Variants in GAS7 observed in about 807,000 individuals in gnomAD.
GAS7 encodes the protein growth arrest-specific protein 7.
Under a neutral mutation model 71.1 loss-of-function variants are expected in GAS7, and 28 were observed. The observed-to-expected ratio is 0.39, with a 90% CI of 0.29 to 0.54. The LOEUF is 0.54. Among genes scored for constraint, GAS7 ranks in the 20% least tolerant of loss-of-function variants. GAS7 has a pLI of 0.62. For missense variants in GAS7, 436 were observed against 627.8 expected, an observed-to-expected ratio of 0.69 and a Z score of 3.27; for synonymous variants, 258 against 245.8, an observed-to-expected ratio of 1.05 and a Z score of -0.46.
intron 1 of GAS7, chr17:10,059,613 T>C (rs2073195778): frequency 1.3e-6 from 1 of 794,342 alleles, no homozygotes. Context: ...GAGTGGCGGC[T>C]GCCTCGCACT....
intron 1 of GAS7, among the ~76,000 whole-genome samples, chr17:10,096,132 C>G (rs1367557859): frequency 6.6e-6 from 1 of 152,208 alleles, no homozygotes; most frequent in Non-Finnish European, 1.5e-5. Context: ...AAAGCACACT[C>G]AGTCTGAGAA....
intron 4 of GAS7, among the ~76,000 whole-genome samples, chr17:9,960,589 G>A (rs951111155): frequency 4.9e-4 from 74 of 152,332 alleles, no homozygotes; most frequent in African/African-American, 1.7e-3. Flanking sequence ...AGGAACCACC[G>A]GCTTGGAGTG....
rs953898427 is a variant in GAS7, at chr17:9,913,210, T to C, written c.*4018A>G. 1.3e-5 allele frequency: 3 copies of C among 232,284 alleles called. No homozygotes were observed. The highest frequency in any genetic ancestry group is 4.4e-5 in the African/African-American group (2 of 45,252). The allele number at this position is 232,284 out of a possible 1,614,324, so 14.4% of individuals were successfully genotyped here. ...TAAACCTGGGAAAAGGTGGTGGCGA[T>C]GGGCCTTGTAGGGATGGCAAGGATT... On this transcript the variant is annotated 3_prime_UTR_variant, in exon 14 of 14. Transcript: ENST00000432992.
intron 5 of GAS7, among the ~76,000 whole-genome samples, chr17:9,953,970 T>TCCA (rs2069121433): frequency 6.6e-6 from 1 of 152,156 alleles, no homozygotes; most frequent in East Asian, 1.9e-4. Context: ...TCACTGTAAT[T>TCCA]CTTTGGGATA....
intron 1 of GAS7, among the ~76,000 whole-genome samples, chr17:10,029,930 T>C (rs2072570558): frequency 6.6e-6 from 1 of 152,002 alleles, no homozygotes; most frequent in Non-Finnish European, 1.5e-5. Flanking sequence ...ACTGAGATCA[T>C]GAGAACACCG....
At position 9,926,541 on chromosome 17, in the gene GAS7, C is replaced by T. The variant is rs1001165188; in HGVS notation, c.1014+100G>A. On this transcript the variant is annotated intron_variant, in intron 10 of 13. Coordinates refer to ENST00000432992, the MANE Select transcript of GAS7 (RefSeq NM_201433.2). This position sits in a 1 kb window ranked among gnomAD's most constrained non-coding sequence, Gnocchi z 5.0. ...CTATTCCCCTACCTGGGGACAAAGA[C>T]TCAGCCTTGGCGTATGGAGCCACTG... is the stretch of plus-strand genomic sequence containing the variant. The T allele has an allele frequency of 1.5e-6, 2 of 1,291,504 alleles. No individual in the cohort carries two copies. The highest frequency in any genetic ancestry group is 1.1e-6 in the Non-Finnish European group (1 of 907,562). The allele number at this position is 1,291,504 out of a possible 1,614,324, so 80.0% of individuals were successfully genotyped here.
chr17:10,163,771 C>T (rs1007950645), intron 1 of GAS7, among the ~76,000 whole-genome samples: 25 of 152,036 alleles, frequency 1.6e-4, no homozygotes, highest in Non-Finnish European at 3.1e-4. Flanking sequence ...AGGGTTAGAG[C>T]TCATGTTGAG....
chr17:10,141,444 A>G (rs76812901), intron 1 of GAS7, among the ~76,000 whole-genome samples: 5 of 146,294 alleles, frequency 3.4e-5, no homozygotes, highest in African/African-American at 1.2e-4. Context: ...AGACTGTGCC[A>G]AAAAAAAAAA....
At chr17:10,095,273 A>G (rs2073629279) in intron 1 of GAS7, among the ~76,000 whole-genome samples, 1 of 152,234 alleles carries the variant, frequency 6.6e-6, no homozygotes, top group Non-Finnish European at 1.5e-5. Flanking sequence ...TGCATAACAC[A>G]TAAATGTGTA....
chr17:9,941,856 C>T (rs899622979), intron 7 of GAS7, among the ~76,000 whole-genome samples: 5 of 152,120 alleles, frequency 3.3e-5, no homozygotes, highest in African/African-American at 1.2e-4. Context: ...CCCATACCAC[C>T]CTGAACACAT....
At chr17:10,095,944 C>T (rs1048919629) in intron 1 of GAS7, among the ~76,000 whole-genome samples, 2 of 152,134 alleles carry the variant, frequency 1.3e-5, no homozygotes, top group African/African-American at 4.8e-5. Flanking sequence ...ACTGATCCAC[C>T]TTCCTGTTCC....
In GAS7 at chr17:9,959,169, C is replaced by T; in HGVS notation, c.525+33G>A. On this transcript the variant is annotated intron_variant, in intron 5 of 13. Transcript: ENST00000432992. The surrounding 1 kb of genome is among the most constrained non-coding windows in gnomAD (Gnocchi z 5.0). ...CCAGCCAAATGCCCCAGCTCGCAGC[C>T]CACCCTGAGGGCGCCCCTCGGGAGC... 1 of 1,609,242 alleles carries T rather than the reference C, an allele frequency of 6.2e-7. No individual in the cohort carries two copies. The highest frequency in any genetic ancestry group is 8.5e-7 in the Non-Finnish European group (1 of 1,177,068).
intron 2 of GAS7, among the ~76,000 whole-genome samples, chr17:10,016,602 CAAAA>C (rs1158379710): frequency 4.7e-5 from 4 of 84,734 alleles, no homozygotes; most frequent in African/African-American, 1.1e-4. Context: ...CTGTCTCTAC[CAAAA>C]AAAAAAAAAA....
intron 2 of GAS7, among the ~76,000 whole-genome samples, chr17:10,007,625 CAAAAAA>C (rs201254619): frequency 2.4e-4 from 11 of 46,596 alleles, no homozygotes; most frequent in Non-Finnish European, 4.6e-4. Flanking sequence ...GATTCTGTCT[CAAAAAA>C]AAAAAAAAAA....
intron 1 of GAS7, among the ~76,000 whole-genome samples, chr17:10,120,765 G>A (rs116998128): frequency 2.0e-5 from 3 of 152,190 alleles, no homozygotes; most frequent in Admixed American, 6.5e-5. Context: ...TCTCAGGAGG[G>A]CTGCTCAGGA....
chr17:10,083,473 G>C (rs78980256), intron 1 of GAS7, among the ~76,000 whole-genome samples: 1,694 of 152,368 alleles, frequency 0.011, 15 homozygotes, highest in Non-Finnish European at 0.016. Context: ...TCTGGCTGGC[G>C]ATGCCAGAGG....
At position 10,034,032 on chromosome 17, in the gene GAS7, T is replaced by G. The variant is rs1597729741; in HGVS notation, c.184-14135A>C. 4 of 707,692 alleles carry G rather than the reference T, an allele frequency of 5.7e-6. No individual in the cohort carries two copies. Among genetic ancestry groups the G allele is most frequent in the Non-Finnish European group, 6.9e-6 (4 of 576,198 alleles). The allele number at this position is 707,692 out of a possible 1,614,324, so 43.8% of individuals were successfully genotyped here. A position where few individuals can be genotyped will look rare whatever the true frequency, so the allele number is the denominator to read the frequency against. On this transcript the variant is annotated intron_variant, in intron 1 of 13. Transcript: ENST00000432992. The surrounding 1 kb of genome is among the most constrained non-coding windows in gnomAD (Gnocchi z 4.4). ...ACCAACCCGATTCAACTAACATTTC[T>G]GGAGCTGCTGCCGCTGGCACATATA...
At chr17:10,190,894 G>T (rs7502977) in intron 1 of GAS7, among the ~76,000 whole-genome samples, 64,074 of 150,992 alleles carry the variant, frequency 0.42, 14,028 homozygotes, top group African/African-American at 0.53. Context: ...ACAAACCTAA[G>T]AACAGGCACG....
intron 1 of GAS7, among the ~76,000 whole-genome samples, chr17:10,106,525 G>C (rs929162117): frequency 1.3e-5 from 2 of 152,206 alleles, no homozygotes; most frequent in Non-Finnish European, 2.9e-5. Context: ...CTGAATCTCT[G>C]TACTTTTTCC....
Sources: allele counts gnomAD v4.1 joint callset (sites outside exome capture counted in the v4.1 genomes callset), GRCh38; gene constraint gnomAD v4.1.1; non-coding constraint Gnocchi (gnomAD v3.1); transcripts MANE v1.5; gene names NCBI Gene and HGNC (gene_info 2026-07-23, HGNC 2026-07-21).